UPF3B: variants seen among roughly 807,000 people sequenced by gnomAD.
UPF3B encodes UPF3B regulator of nonsense mediated mRNA decay.
In UPF3B, 7 loss-of-function variants were observed where a neutral mutation model predicts 40.3. That is an observed-to-expected ratio of 0.17 (90% CI 0.10 to 0.33). The LOEUF is 0.33. Among genes scored for constraint, UPF3B ranks in the 10% least tolerant of loss-of-function variants. The pLI, the probability that UPF3B is intolerant of heterozygous loss-of-function variation, is 1.00. For synonymous variants in UPF3B, 117 were observed against 117.3 expected (o/e 1.00, Z 0.01); for missense variants, 229 against 358.9 (o/e 0.64, Z 2.93).
At chrX:119,842,685 C>A (rs1328675736) in intron 5 of UPF3B, among the ~76,000 whole-genome samples, 1 of 108,818 alleles carries the variant, frequency 9.2e-6, no homozygotes, top group African/African-American at 3.4e-5. Flanking sequence ...AACAAAAAAA[C>A]CCCACATATT....
chrX:119,828,821 A>G (rs776202175), intron 3 of UPF3B, among the ~76,000 whole-genome samples: 1 of 110,817 alleles, frequency 9.0e-6, no homozygotes, highest in African/African-American at 3.3e-5. Flanking sequence ...CCTGGGTTCA[A>G]GCGATTCTCC....
chrX:119,830,692 C>G, downstream of UPF3B, among the ~76,000 whole-genome samples: 1 of 107,782 alleles, frequency 9.3e-6, no homozygotes, highest in South Asian at 4.0e-4. Context: ...AAAGTAATAT[C>G]ATTCCTCTCC....
rs1186786113 is a variant in UPF3B at position 119,819,872 on chromosome X, T to G, written c.494+3070A>C. ...TTTTTTTTTTTTTTTTGAGATGGAG[T>G]CTGGCTCTGTCGCCCAGGCAGGAGT... On this transcript the variant is annotated intron_variant, in intron 4 of 6. Coordinates refer to the UPF3B transcript ENST00000636792. Among the ~76,000 whole-genome samples the G allele has an allele frequency of 1.0e-4, 10 of 95,595 alleles. No individual in the cohort carries two copies. In the East Asian group the frequency reaches 3.2e-3, roughly 31 times the overall value. The allele number at this position is 95,595 out of a possible 115,157, so 83.0% of individuals were successfully genotyped here. A position where few individuals can be genotyped will look rare whatever the true frequency, so the allele number is the denominator to read the frequency against.
Position 119,834,473 on chromosome X carries a change from G to A in UPF3B, c.*405C>T, listed in dbSNP as rs1292460697. 3 of 857,573 alleles carry A rather than the reference G, an allele frequency of 3.5e-6. No individual in the cohort carries two copies. Among genetic ancestry groups the A allele is most frequent in the East Asian group, 1.7e-4 (2 of 11,451 alleles). 70.7% of individuals were successfully genotyped at this position (857,573 alleles called of 1,213,427 possible). On this transcript the variant is annotated 3_prime_UTR_variant, in exon 11 of 11. Coordinates refer to ENST00000276201, the MANE Select transcript of UPF3B (RefSeq NM_080632.3). Reference sequence around the variant, plus strand: ...ATACAATAGAATTAGATCGGAACAAGGCTTCAAAGCGACTCTGCTCCACCC... The same window carrying A: ...ATACAATAGAATTAGATCGGAACAAAGCTTCAAAGCGACTCTGCTCCACCC...
intron 4 of UPF3B, among the ~76,000 whole-genome samples, chrX:119,819,280 C>G (rs2055891503): frequency 9.1e-6 from 1 of 110,442 alleles, no homozygotes; most frequent in Non-Finnish European, 1.9e-5. Flanking sequence ...TCTCGAACTG[C>G]TGACCTCGTG....
At chrX:119,806,362 T>C (rs1277218915) in intron 6 of UPF3B, among the ~76,000 whole-genome samples, 9 of 86,156 alleles carry the variant, frequency 1.0e-4, no homozygotes, top group Non-Finnish European at 2.0e-4. Context: ...AGGGATAGCA[T>C]TGGGAGATAT....
Position 119,808,170 on chromosome X carries a change from G to A in UPF3B, c.603-589C>T, listed in dbSNP as rs983615478. ...GCTGGGCTTATAGGGATGAGCCACC[G>A]TGCCTGGCCTATAGTTATTAAGGAC... On this transcript the variant is annotated intron_variant, in intron 5 of 6. Coordinates refer to the UPF3B transcript ENST00000636792. Among the ~76,000 whole-genome samples, 34 of 111,633 alleles carry A rather than the reference G, an allele frequency of 3.0e-4. 1 individual carries two copies. Among genetic ancestry groups the A allele is most frequent in the African/African-American group, 1.1e-3 (34 of 30,798 alleles).
intron 7 of UPF3B, 71 bp downstream of exon 7, chrX:119,841,005 C>T (rs1216309321): frequency 1.8e-5 from 20 of 1,090,483 alleles, no homozygotes; most frequent in Admixed American, 2.3e-5. Context: ...CAACACAAGA[C>T]GCATGCATAT....
At chrX:119,825,776 A>G (rs937850813) in intron 3 of UPF3B, among the ~76,000 whole-genome samples, 2 of 112,356 alleles carry the variant, frequency 1.8e-5, no homozygotes, top group Non-Finnish European at 3.7e-5. Context: ...ACTTGTAACA[A>G]GGGAAAAGAT....
chrX:119,819,308 T>C (rs1179283162), intron 4 of UPF3B, among the ~76,000 whole-genome samples: 1 of 110,743 alleles, frequency 9.0e-6, no homozygotes, highest in African/African-American at 3.3e-5. Flanking sequence ...CATCTCGGCC[T>C]CCCAGAGTGC....
chrX:119,823,586 CAG>C (rs2147766980), intron 3 of UPF3B, among the ~76,000 whole-genome samples: 1 of 79,898 alleles, frequency 1.3e-5, no homozygotes, highest in African/African-American at 5.2e-5. Context: ...TTGTCTGAGA[CAG>C]AGTCTTGCTC....
chrX:119,831,786 T>C, downstream of UPF3B: 2 of 623,244 alleles, frequency 3.2e-6, no homozygotes, highest in Non-Finnish European at 3.8e-6. Flanking sequence ...TATGTTACTG[T>C]TACAACAATG....
intron 3 of UPF3B, among the ~76,000 whole-genome samples, chrX:119,827,276 T>C (rs150042977): frequency 0.014 from 1,573 of 111,450 alleles, 90 homozygotes; most frequent in Admixed American, 0.14. Context: ...CGATCTCCAA[T>C]TCCTTGGGGA....
At chrX:119,841,844 C>T in intron 5 of UPF3B, 66 bp from the exon 6 acceptor site, 2 of 965,562 alleles carry the variant, frequency 2.1e-6, no homozygotes, top group Non-Finnish European at 1.5e-6. Context: ...CATTTTCTGA[C>T]ATTCCCTGCC....
chrX:119,810,217 C>CA (rs1312047490), intron 5 of UPF3B, among the ~76,000 whole-genome samples: 1 of 112,169 alleles, frequency 8.9e-6, no homozygotes, highest in African/African-American at 3.2e-5. Flanking sequence ...TGATGGGTGC[C>CA]AAAACCAGAT....
At chrX:119,809,067 G>A (rs954165118) in intron 5 of UPF3B, among the ~76,000 whole-genome samples, 1 of 112,185 alleles carries the variant, frequency 8.9e-6, no homozygotes, top group African/African-American at 3.2e-5. Flanking sequence ...AGATTTAATT[G>A]ACTCACAGTT....
chrX:119,807,280 G>T (rs1446393070), intron 6 of UPF3B, among the ~76,000 whole-genome samples: 1 of 111,437 alleles, frequency 9.0e-6, no homozygotes, highest in Non-Finnish European at 1.9e-5. Context: ...TCAGATTCCT[G>T]CTTTGACACA....
Position 119,834,960 on chromosome X carries a change from T to C in UPF3B, c.1370A>G (p.Asp457Gly). 8.2e-7 allele frequency: 1 copy of C among 1,212,156 alleles called. No homozygotes were observed. The highest frequency in any genetic ancestry group is 1.1e-6 in the Non-Finnish European group (1 of 895,614). The change falls in exon 11 of 11, where the codon GAC becomes GGC. Residue 457 changes from aspartate (D) to glycine (G), a missense_variant. Transcript: ENST00000276201. ...RSRNRLCPPD[D>G]STKSGDSAAE... is the part of the protein sequence containing the mutation. ...TGCTGAATCTCCAGACTTGGTGCTG[T>C]CATCAGGGGGACAGAGTCGATTTCG...
intron 6 of UPF3B, 24 bp downstream of exon 6, chrX:119,841,711 G>A (rs2056163385): frequency 8.4e-7 from 1 of 1,186,191 alleles, no homozygotes; most frequent in African/African-American, 1.7e-5. Flanking sequence ...AGTATTGAGA[G>A]AACTATAAAG....
Sources: gnomAD v4.1 joint callset for allele counts (sites outside exome capture counted in the v4.1 genomes callset) on GRCh38, gnomAD v4.1.1 for gene constraint, MANE v1.5 for transcripts, NCBI Gene and HGNC (gene_info 2026-07-23, HGNC 2026-07-21) for gene names.